The following ADAM17 variants were observed in gnomAD, a reference collection of about 807,000 sequenced individuals.
ADAM17 encodes ADAM metallopeptidase domain 17, also known as disintegrin and metalloproteinase domain-containing protein 17.
Under a neutral mutation model 96.7 loss-of-function variants are expected in ADAM17, and 39 were observed. The observed-to-expected ratio is 0.40, with a 90% CI of 0.31 to 0.53. The LOEUF is 0.53. Among genes scored for constraint, ADAM17 ranks in the 20% least tolerant of loss-of-function variants. ADAM17 has a pLI of 0.44. For missense variants in ADAM17, 777 were observed against 1,013.2 expected, an observed-to-expected ratio of 0.77 and a Z score of 3.17; for synonymous variants, 344 against 359.2, an observed-to-expected ratio of 0.96 and a Z score of 0.48.
chr2:9,494,243 T>G (rs1334218551), intron 15 of ADAM17, among the ~76,000 whole-genome samples: 1 of 152,204 alleles, frequency 6.6e-6, no homozygotes, highest in African/African-American at 2.4e-5. Context: ...CTGGCTTAAG[T>G]AAGTCAAGCA....
intron 18 of ADAM17, among the ~76,000 whole-genome samples, chr2:9,490,782 C>T (rs1044179948): frequency 6.6e-6 from 1 of 152,134 alleles, no homozygotes; most frequent in Non-Finnish European, 1.5e-5. Context: ...TTTGAAGACC[C>T]AAAAGAGGAT....
chr2:9,498,134 A>G (rs1241694508), intron 13 of ADAM17, among the ~76,000 whole-genome samples: 1 of 152,192 alleles, frequency 6.6e-6, no homozygotes, highest in Non-Finnish European at 1.5e-5. Context: ...GGTTCCGGCA[A>G]TCCTCCTGCC....
In ADAM17 at chr2:9,543,275, A is replaced by T. The variant is rs1043848098; in HGVS notation, c.108T>A (p.Asp36Glu). 6.3e-7 allele frequency: 1 copy of T among 1,590,550 alleles called. No homozygotes were observed. ...GAATATCGTAGTCTGAGAGCAAAGAATCAAGCTTCTCTGAAATAAAGGTAA... is the reference window on the plus strand; with the variant it reads ...GAATATCGTAGTCTGAGAGCAAAGATTCAAGCTTCTCTGAAATAAAGGTAA... Reference protein sequence around the residue: ...FGPHQRLEKLDSLLSDYDILS... With the variant: ...FGPHQRLEKLESLLSDYDILS... The change falls in exon 2 of 19, where the codon GAT becomes GAA. Residue 36 changes from aspartate (D) to glutamate (E), a missense_variant. By Grantham distance (45) the Asp-to-Glu change is conservative (BLOSUM62 2). Coordinates refer to ENST00000310823, the MANE Select transcript of ADAM17 (RefSeq NM_003183.6).
At chr2:9,510,867 C>T (rs1461135357) in intron 10 of ADAM17, among the ~76,000 whole-genome samples, 1 of 152,152 alleles carries the variant, frequency 6.6e-6, no homozygotes, top group East Asian at 1.9e-4. Context: ...ATTCTTCTAC[C>T]AATTATATGA....
In ADAM17 at chr2:9,539,068, C is replaced by G. The variant is rs927646607; in HGVS notation, c.231-2240G>C. ...CAAAAAAGTATCAAAACAGTATATACTCCGCAGCTTTTTCGTTATTTAAAA... is the reference window on the plus strand; with the variant it reads ...CAAAAAAGTATCAAAACAGTATATAGTCCGCAGCTTTTTCGTTATTTAAAA... On this transcript the variant is annotated intron_variant, in intron 2 of 18. Coordinates refer to ENST00000310823, the MANE Select transcript of ADAM17 (RefSeq NM_003183.6). Among the ~76,000 whole-genome samples the G allele has an allele frequency of 3.9e-5, 6 of 151,966 alleles. No homozygotes were observed. The East Asian group carries it at 9.6e-4, about 24-fold the overall frequency.
chr2:9,553,071 A>G (rs1014673989), intron 1 of ADAM17, among the ~76,000 whole-genome samples: 10 of 151,402 alleles, frequency 6.6e-5, no homozygotes, highest in African/African-American at 1.7e-4. Flanking sequence ...AAACAAACTG[A>G]AAAAAAAAGT....
chr2:9,529,208 G>A (rs542974565), intron 4 of ADAM17, among the ~76,000 whole-genome samples: 1 of 152,142 alleles, frequency 6.6e-6, no homozygotes, highest in Non-Finnish European at 1.5e-5. Flanking sequence ...CCAGCACTTC[G>A]GGAGGCCGAG....
chr2:9,542,170 G>A (rs893774842), intron 2 of ADAM17, among the ~76,000 whole-genome samples: 1 of 152,164 alleles, frequency 6.6e-6, no homozygotes, highest in East Asian at 1.9e-4. Flanking sequence ...ACAATACGTG[G>A]TATTAAAATT....
At position 9,536,720 on chromosome 2, in the gene ADAM17, G is replaced by C. The variant is rs1664974310; in HGVS notation, c.339C>G (p.Asp113Glu). The C allele has an allele frequency of 1.2e-6, 2 of 1,614,056 alleles. No homozygotes were observed. Among genetic ancestry groups the C allele is most frequent in the African/African-American group, 2.7e-5 (2 of 75,012 alleles). The change falls in exon 3 of 19, where the codon GAC (aspartate) becomes GAG (glutamate). Residue 113 changes from aspartate (D) to glutamate (E), a missense_variant. Asp to Glu is a conservative substitution (Grantham distance 45). Transcript: ENST00000310823. The stretch of plus-strand genomic sequence containing the variant: ...AACCAACCACGTGTCCAGTGAAGAA[G>C]TCCTGCCATTTTACAGTGTACTCGC... ...NESEYTVKWQ[D>E]FFTGHVVGEP...
intron 8 of ADAM17, among the ~76,000 whole-genome samples, chr2:9,519,913 A>T (rs1326537452): frequency 1.3e-5 from 2 of 152,216 alleles, no homozygotes; most frequent in East Asian, 3.8e-4. Context: ...CAGCTGGAAT[A>T]AACAGTAACA....
chr2:9,555,824 C>T lies in ADAM17; in HGVS notation c.-219G>A. ...AAGGCCGGCTCAGCCAGCTTCCGGC[C>T]GCCGCTGTCCCCCGCACCACCCACA... On this transcript the variant is annotated 5_prime_UTR_variant, in exon 1 of 19. Coordinates refer to ENST00000310823, the MANE Select transcript of ADAM17 (RefSeq NM_003183.6). 1 of 429,460 alleles carries T rather than the reference C, an allele frequency of 2.3e-6. No homozygotes were observed. The highest frequency in any genetic ancestry group is 4.3e-5 in the Admixed American group (1 of 23,442). 26.6% of individuals were successfully genotyped at this position (429,460 alleles called of 1,614,324 possible).
intron 13 of ADAM17, 108 bp from the exon 14 acceptor site, chr2:9,497,356 AGC>A: frequency 2.8e-6 from 4 of 1,436,954 alleles, no homozygotes; most frequent in African/African-American, 2.8e-5. Context: ...ACCTTGCAAA[AGC>A]AAAAAGTGAC....
chr2:9,511,143 AG>A (rs1270502943), intron 10 of ADAM17, among the ~76,000 whole-genome samples: 9 of 152,182 alleles, frequency 5.9e-5, no homozygotes, highest in Non-Finnish European at 1.3e-4. Context: ...GGAAAAAAAA[AG>A]CAAGGGGTAA....
At chr2:9,553,287 A>G (rs1460091154) in intron 1 of ADAM17, among the ~76,000 whole-genome samples, 1 of 152,022 alleles carries the variant, frequency 6.6e-6, no homozygotes, top group African/African-American at 2.4e-5. Flanking sequence ...CTATTTCCCT[A>G]TGCTATAACC....
intron 1 of ADAM17, among the ~76,000 whole-genome samples, chr2:9,552,096 T>C (rs1345550912): frequency 6.6e-6 from 1 of 152,174 alleles, no homozygotes; most frequent in Non-Finnish European, 1.5e-5. Context: ...AGCCTTTCAT[T>C]TCACTTCCGT....
intron 11 of ADAM17, chr2:9,506,932 G>A (rs572503731): frequency 2.0e-5 from 3 of 152,288 alleles, no homozygotes; most frequent in East Asian, 3.9e-4. Context: ...CATCCCTGAA[G>A]ATCTGGCAGC....
At chr2:9,526,067 C>A (rs1300063192) in intron 6 of ADAM17, 44 bp downstream of exon 6, 17 of 1,544,020 alleles carry the variant, frequency 1.1e-5, no homozygotes, top group Non-Finnish European at 1.5e-5. Flanking sequence ...ATGTACCCAC[C>A]CAAATTTTTT....
intron 10 of ADAM17, among the ~76,000 whole-genome samples, chr2:9,513,989 C>A (rs558986209): frequency 2.0e-4 from 24 of 120,516 alleles, no homozygotes; most frequent in African/African-American, 6.3e-4. Context: ...CCAGCCTGGG[C>A]AACAAGAGAA....
At chr2:9,541,910 T>C (rs1056728229) in intron 2 of ADAM17, among the ~76,000 whole-genome samples, 1 of 152,202 alleles carries the variant, frequency 6.6e-6, no homozygotes, top group African/African-American at 2.4e-5. Context: ...CGTGGTGCTG[T>C]GCACCTGTAG....
Sources: gnomAD v4.1 joint callset for allele counts (sites outside exome capture counted in the v4.1 genomes callset) on GRCh38, gnomAD v4.1.1 for gene constraint, MANE v1.5 for transcripts, NCBI Gene and HGNC (gene_info 2026-07-23, HGNC 2026-07-21) for gene names.